The following NEDD9 variants were observed in gnomAD, a reference collection of about 807,000 sequenced individuals.
The protein encoded by NEDD9 is neural precursor cell expressed, developmentally down-regulated 9, also known as enhancer of filamentation 1.
A neutral mutation model predicts 76.6 loss-of-function variants in NEDD9; 26 were observed. The observed-to-expected ratio is 0.34, with a 90% CI of 0.25 to 0.47. The LOEUF (loss-of-function observed/expected upper bound fraction) is 0.47. Ranked by LOEUF, NEDD9 falls within the 20% of genes least tolerant of loss-of-function variation. The pLI is 1.00. For synonymous variants in NEDD9, 392 were observed against 414.2 expected (o/e 0.95, Z 0.65); for missense variants, 937 against 1,058.5 (o/e 0.89, Z 1.59).
At chr6:11,305,179 T>A (rs1355394251) in intron 3 of NEDD9, 1 of 1,269,070 alleles carries the variant, frequency 7.9e-7, no homozygotes, top group East Asian at 5.6e-5. Flanking sequence ...AGAAAACAGT[T>A]GATCGATCTC....
rs926847173 is a variant in NEDD9, at chr6:11,252,209, G to A, written c.13-38482C>T. Among the ~76,000 whole-genome samples, 1 of 152,128 alleles carries A rather than the reference G, an allele frequency of 6.6e-6. No homozygotes were observed. Among genetic ancestry groups the A allele is most frequent in the Non-Finnish European group, 1.5e-5 (1 of 68,024 alleles). ...TTAGCTATGCCAGCAGAGCCCTCTG[G>A]AGAGCTGACTGGTATTCTCATTTTC... is the stretch of plus-strand genomic sequence containing the variant. On this transcript the variant is annotated intron_variant, in intron 3 of 3. Transcript: ENST00000397378. This position sits in a 1 kb window ranked among gnomAD's most constrained non-coding sequence, Gnocchi z 4.3.
At chr6:11,298,734 G>T (rs1470995777) in intron 3 of NEDD9, among the ~76,000 whole-genome samples, 2 of 152,148 alleles carry the variant, frequency 1.3e-5, no homozygotes, top group African/African-American at 4.8e-5. Flanking sequence ...TTCCAGTTTG[G>T]ATTACTAATT....
chr6:11,345,215 TAACTC>T (rs1361943499), intron 1 of NEDD9, among the ~76,000 whole-genome samples: 3 of 152,098 alleles, frequency 2.0e-5, no homozygotes, highest in Non-Finnish European at 4.4e-5. Context: ...ATATCAAAGA[TAACTC>T]AGCAGGGAAG....
In NEDD9 at chr6:11,197,012, G is replaced by A. The variant is rs1758310055; in HGVS notation, c.460-3320C>T. ...TGGTTCATTAAGGCTTTTTCTTGCTGCGTGACATAAGTACACAAAAACCTT... is the reference window on the plus strand; with the variant it reads ...TGGTTCATTAAGGCTTTTTCTTGCTACGTGACATAAGTACACAAAAACCTT... On this transcript the variant is annotated intron_variant, in intron 2 of 6. Coordinates refer to ENST00000379446, the MANE Select transcript of NEDD9 (RefSeq NM_006403.4). Among the ~76,000 whole-genome samples, 4 of 152,156 alleles carry A rather than the reference G, an allele frequency of 2.6e-5. No individual in the cohort carries two copies. The South Asian group carries it at 8.3e-4, about 32-fold the overall frequency.
At chr6:11,299,502 G>A (rs779238928) in intron 3 of NEDD9, among the ~76,000 whole-genome samples, 3 of 152,164 alleles carry the variant, frequency 2.0e-5, no homozygotes, top group Non-Finnish European at 2.9e-5. Context: ...AGAGAGCAGC[G>A]GTTCTCTCAG....
chr6:11,285,861 A>T (rs947948180), intron 3 of NEDD9, among the ~76,000 whole-genome samples: 1 of 152,196 alleles, frequency 6.6e-6, no homozygotes, highest in Non-Finnish European at 1.5e-5. Context: ...ATTAATTCAA[A>T]GTGGATCAGA....
chr6:11,259,935 A>AACACACACACACACACACAC (rs55634199), intron 3 of NEDD9, among the ~76,000 whole-genome samples: 19,999 of 142,326 alleles, frequency 0.14, 1,773 homozygotes, highest in East Asian at 0.38. Flanking sequence ...CTGCGCCCTT[A>AACACACACACACACACACAC]ACACACACAC....
chr6:11,260,754 T>C (rs1164498260), intron 3 of NEDD9, among the ~76,000 whole-genome samples: 1 of 152,198 alleles, frequency 6.6e-6, no homozygotes, highest in African/African-American at 2.4e-5. Flanking sequence ...ATATAAAAAG[T>C]GTGTTAGTCA....
chr6:11,217,341 A>G (rs150299737), intron 1 of NEDD9, among the ~76,000 whole-genome samples: 1 of 152,360 alleles, frequency 6.6e-6, no homozygotes, highest in African/African-American at 2.4e-5. Flanking sequence ...ATGATCTGCT[A>G]TCTTAGAAAA....
chr6:11,319,605 G>A (rs1241460562), intron 2 of NEDD9, among the ~76,000 whole-genome samples: 1 of 95,764 alleles, frequency 1.0e-5, no homozygotes, highest in African/African-American at 4.5e-5. Context: ...CACTAACCAT[G>A]CACACTCACA....
chr6:11,317,779 A>G (rs563054711), intron 2 of NEDD9, among the ~76,000 whole-genome samples: 3 of 152,320 alleles, frequency 2.0e-5, no homozygotes, highest in Non-Finnish European at 4.4e-5. Flanking sequence ...GGCACACGTG[A>G]TAGTTAATTC....
intron 3 of NEDD9, among the ~76,000 whole-genome samples, chr6:11,253,736 A>G (rs10947066): frequency 0.32 from 48,846 of 152,032 alleles, 8,226 homozygotes; most frequent in East Asian, 0.56. Flanking sequence ...AGACAAATAT[A>G]CTTTAAGTGC....
At chr6:11,217,928 T>C (rs10947036) in intron 1 of NEDD9, among the ~76,000 whole-genome samples, 30,143 of 152,084 alleles carry the variant, frequency 0.2, 3,171 homozygotes, top group African/African-American at 0.23. Context: ...ACTTTTTCGT[T>C]CTCTGTCTTC....
intron 1 of NEDD9, among the ~76,000 whole-genome samples, chr6:11,227,352 A>G (rs1351564733): frequency 6.6e-6 from 1 of 152,188 alleles, no homozygotes; most frequent in East Asian, 1.9e-4. Context: ...TCTGCTTACT[A>G]TATGCCAAGA....
At chr6:11,339,769 G>T (rs1015416192) in intron 1 of NEDD9, among the ~76,000 whole-genome samples, 10 of 152,024 alleles carry the variant, frequency 6.6e-5, no homozygotes, top group Admixed American at 5.9e-4. Context: ...GACTTGACTG[G>T]GTTCTCTCTA....
intron 3 of NEDD9, among the ~76,000 whole-genome samples, chr6:11,265,206 G>A (rs1164702748): frequency 1.3e-5 from 2 of 152,126 alleles, no homozygotes; most frequent in South Asian, 2.1e-4. Context: ...ATGAAACTAC[G>A]GGATAATGAA....
intron 6 of NEDD9, among the ~76,000 whole-genome samples, chr6:11,185,933 T>G (rs541385252): frequency 6.6e-6 from 1 of 152,340 alleles, no homozygotes; most frequent in East Asian, 1.9e-4. Flanking sequence ...GCATAGTGTT[T>G]AAACCGCAGC....
chr6:11,264,408 G>A (rs952521074), intron 3 of NEDD9, among the ~76,000 whole-genome samples: 2 of 152,072 alleles, frequency 1.3e-5, no homozygotes, highest in Non-Finnish European at 2.9e-5. Flanking sequence ...GTGGAGTGGT[G>A]TCTATAAAGA....
chr6:11,230,551 C>G (rs578182655), intron 1 of NEDD9, among the ~76,000 whole-genome samples: 1 of 152,244 alleles, frequency 6.6e-6, no homozygotes, highest in Admixed American at 6.5e-5. Flanking sequence ...ATAACAAAAT[C>G]CTTTCCTGAA....
Sources: gnomAD v4.1 joint callset for allele counts (sites outside exome capture counted in the v4.1 genomes callset) on GRCh38, gnomAD v4.1.1 for gene constraint, Gnocchi (gnomAD v3.1) non-coding constraint, MANE v1.5 for transcripts, NCBI Gene and HGNC (gene_info 2026-07-23, HGNC 2026-07-21) for gene names.